The following CDH13 variants were observed in gnomAD, a reference collection of about 807,000 sequenced individuals.
The protein encoded by CDH13 is cadherin-13.
A neutral mutation model predicts 63.8 loss-of-function variants in CDH13; 24 were observed. The observed-to-expected ratio is 0.38, with a 90% CI of 0.27 to 0.53. CDH13 has a LOEUF of 0.53. CDH13 is among the 20% of genes least tolerant of loss of function. The probability of loss-of-function intolerance (pLI) is 0.85; values close to 1 mark genes in which losing one functional copy is unlikely to be tolerated. For missense variants in CDH13, 1,049 were observed against 903.1 expected (o/e 1.16, Z -2.07); for synonymous variants, 503 against 355.3 (o/e 1.42, Z -4.67).
Position 83,678,288 on chromosome 16 carries a change from C to G in CDH13, c.1365C>G (p.Ser455=). ...ENEDPLVPDV[S]YGPSSTATVH... is the part of the protein sequence containing the mutation. ...AAGACCCACTCGTACCCGACGTCTC[C>G]TACGGCCCCAGCTCCACAGCCACCG... The change falls in exon 10 of 14, where the codon TCC becomes TCG. Residue 455 remains serine, a synonymous_variant. Coordinates refer to ENST00000567109, the MANE Select transcript of CDH13 (RefSeq NM_001257.5). 4 of 1,614,008 alleles carry G rather than the reference C, an allele frequency of 2.5e-6. No individual in the cohort carries two copies. Among genetic ancestry groups the G allele is most frequent in the Non-Finnish European group, 3.4e-6 (4 of 1,179,900 alleles).
At chr16:83,073,267 T>G (rs557925815) in intron 3 of CDH13, among the ~76,000 whole-genome samples, 102 of 151,618 alleles carry the variant, frequency 6.7e-4, no homozygotes, top group African/African-American at 2.4e-3. Context: ...GAGTTCGAGG[T>G]TGAACCCGGG....
intron 5 of CDH13, among the ~76,000 whole-genome samples, chr16:83,316,617 G>C (rs960324271): frequency 1.3e-5 from 2 of 152,176 alleles, no homozygotes; most frequent in Non-Finnish European, 2.9e-5. Context: ...GGTTAATGCT[G>C]CAGGAGAGAG....
chr16:83,062,513 C>T (rs1411048543), intron 3 of CDH13, among the ~76,000 whole-genome samples: 1 of 151,914 alleles, frequency 6.6e-6, no homozygotes, highest in African/African-American at 2.4e-5. Flanking sequence ...TCTCATGGTC[C>T]CAGGGATCAT....
chr16:83,392,694 G>C (rs748159780), intron 6 of CDH13, among the ~76,000 whole-genome samples: 1 of 152,230 alleles, frequency 6.6e-6, no homozygotes, highest in African/African-American at 2.4e-5. Flanking sequence ...AAGAAAAGAC[G>C]CTGGGAGTAC....
At chr16:83,099,996 C>T (rs751557302) in intron 3 of CDH13, among the ~76,000 whole-genome samples, 1 of 152,124 alleles carries the variant, frequency 6.6e-6, no homozygotes, top group Non-Finnish European at 1.5e-5. Context: ...CATGCAGTCA[C>T]AATCTCTGTT....
chr16:83,201,569 A>G (rs1008078350), intron 4 of CDH13, among the ~76,000 whole-genome samples: 1 of 152,086 alleles, frequency 6.6e-6, no homozygotes, highest in Non-Finnish European at 1.5e-5. Flanking sequence ...CTTCAGTGTC[A>G]GAGCATAATT....
intron 6 of CDH13, among the ~76,000 whole-genome samples, chr16:83,426,819 C>T (rs1480307745): frequency 6.7e-6 from 1 of 149,850 alleles, no homozygotes; most frequent in Non-Finnish European, 1.5e-5. Context: ...TTTCTCCTCT[C>T]TTGCTGTTAA....
chr16:83,372,172 G>T (rs955013552), intron 6 of CDH13, among the ~76,000 whole-genome samples: 50 of 152,106 alleles, frequency 3.3e-4, no homozygotes, highest in Non-Finnish European at 2.9e-5. Context: ...GCTTTGTATG[G>T]GAGGTTCTGT....
At chr16:83,372,937 C>T (rs2091399179) in intron 6 of CDH13, among the ~76,000 whole-genome samples, 1 of 151,984 alleles carries the variant, frequency 6.6e-6, no homozygotes, top group African/African-American at 2.4e-5. Context: ...AGCAATGGAC[C>T]TTTGGCAGAG....
intron 1 of CDH13, among the ~76,000 whole-genome samples, chr16:82,687,593 A>G (rs566666576): frequency 3.9e-5 from 6 of 152,294 alleles, no homozygotes; most frequent in Admixed American, 2.0e-4. Flanking sequence ...CGTGAGACTT[A>G]TTCACTATCA....
intron 5 of CDH13, among the ~76,000 whole-genome samples, chr16:83,334,341 CCTCTCTCTCT>C (rs370037527): frequency 9.2e-6 from 1 of 109,168 alleles, no homozygotes; most frequent in Non-Finnish European, 1.8e-5. Context: ...TCCCTTTCTC[CCTCTCTCTCT>C]CTCTCTCTCT....
At chr16:82,738,856 C>G (rs180798965) in intron 1 of CDH13, among the ~76,000 whole-genome samples, 125 of 152,310 alleles carry the variant, frequency 8.2e-4, no homozygotes, top group African/African-American at 2.9e-3. Flanking sequence ...ATGAACATGT[C>G]TTACCATTTA....
chr16:83,620,172 C>A (rs1473535613), intron 8 of CDH13, among the ~76,000 whole-genome samples: 1 of 152,078 alleles, frequency 6.6e-6, no homozygotes, highest in African/African-American at 2.4e-5. Context: ...GTGGGTGGAT[C>A]ACGAGGTCAA....
chr16:83,056,916 T>C (rs2031003839), intron 3 of CDH13, among the ~76,000 whole-genome samples: 1 of 152,122 alleles, frequency 6.6e-6, no homozygotes, highest in Non-Finnish European at 1.5e-5. Flanking sequence ...TTGTGAGTCC[T>C]CCCCGGCTAT....
At chr16:82,786,212 A>T (rs1218924162) in intron 1 of CDH13, among the ~76,000 whole-genome samples, 2 of 152,182 alleles carry the variant, frequency 1.3e-5, no homozygotes, top group South Asian at 4.1e-4. Context: ...AAGGCAAAGA[A>T]TTGCACATAC....
chr16:83,682,025 T>A (rs1015439171), intron 10 of CDH13, among the ~76,000 whole-genome samples: 1 of 152,256 alleles, frequency 6.6e-6, no homozygotes, highest in African/African-American at 2.4e-5. Flanking sequence ...TTAGTATCTC[T>A]AATATCTTTT....
Position 82,970,382 on chromosome 16 carries a change from C to CTTTTTTT in CDH13, c.158-61606_158-61600dup, listed in dbSNP as rs558393653. ...TTTGCTATTGTGAACAGTGCATATT[C>CTTTTTTT]TTTTTTTTTTTTTTTTTTTTTTTTT... On this transcript the variant is annotated intron_variant, in intron 2 of 13. Coordinates refer to ENST00000567109, the MANE Select transcript of CDH13 (RefSeq NM_001257.5). Among the ~76,000 whole-genome samples the CTTTTTTT allele has an allele frequency of 2.2e-4, 17 of 76,760 alleles. 1 individual carries two copies. Among genetic ancestry groups the CTTTTTTT allele is most frequent in the African/African-American group, 2.6e-4 (5 of 18,956 alleles). 50.4% of individuals were successfully genotyped at this position (76,760 alleles called of 152,430 possible).
At chr16:83,161,141 G>A (rs145625623) in intron 4 of CDH13, among the ~76,000 whole-genome samples, 348 of 152,252 alleles carry the variant, frequency 2.3e-3, no homozygotes, top group African/African-American at 7.4e-3. Flanking sequence ...TTTGTTCCAC[G>A]TGATTTTCTA....
chr16:83,602,684 C>G, intron 8 of CDH13, 90 bp downstream of exon 8: 2 of 1,335,070 alleles, frequency 1.5e-6, no homozygotes, highest in Admixed American at 1.7e-5. Flanking sequence ...CACCTGCTGG[C>G]CCCCCTTTCA....
Sources: allele counts gnomAD v4.1 joint callset (sites outside exome capture counted in the v4.1 genomes callset), GRCh38; gene constraint gnomAD v4.1.1; transcripts MANE v1.5; gene names NCBI Gene and HGNC (gene_info 2026-07-23, HGNC 2026-07-21).